CORO2B: variants seen among roughly 807,000 people sequenced by gnomAD.
CORO2B encodes coronin-2B.
In CORO2B, 26 loss-of-function variants were observed where a neutral mutation model predicts 58.8. The observed-to-expected ratio is 0.44, with a 90% CI of 0.32 to 0.61. CORO2B has a LOEUF of 0.61. Ranked by LOEUF, CORO2B falls within the 20% of genes least tolerant of loss-of-function variation. CORO2B has a pLI of 0.04. For synonymous variants in CORO2B, 242 were observed against 253.8 expected (o/e 0.95, Z 0.44); for missense variants, 460 against 645.1 (o/e 0.71, Z 3.11).
chr15:68,528,037 G>A, the CORO2B span, among the ~76,000 whole-genome samples: 1 of 152,146 alleles, frequency 6.6e-6, no homozygotes, highest in Admixed American at 6.5e-5. Context: ...CTTTAAAAAT[G>A]TATGTTCTTT....
intron 1 of CORO2B, among the ~76,000 whole-genome samples, chr15:68,622,027 TC>T (rs1900538320): frequency 6.6e-6 from 1 of 152,168 alleles, no homozygotes; most frequent in African/African-American, 2.4e-5. Context: ...CTAAGTGATC[TC>T]CCGATCCAAA....
intron 1 of CORO2B, among the ~76,000 whole-genome samples, chr15:68,601,809 G>A (rs1421924026): frequency 6.6e-6 from 1 of 152,206 alleles, no homozygotes; most frequent in South Asian, 2.1e-4. Context: ...TAGTCCCTCT[G>A]TGCTGCTGTA....
At chr15:68,678,465 G>A (rs889558272) in intron 2 of CORO2B, among the ~76,000 whole-genome samples, 1 of 152,086 alleles carries the variant, frequency 6.6e-6, no homozygotes, top group Non-Finnish European at 1.5e-5. Flanking sequence ...CCTGAGGTCA[G>A]GAGTTCAAGA....
chr15:68,658,827 G>A (rs1276926434), intron 2 of CORO2B, among the ~76,000 whole-genome samples: 1 of 152,202 alleles, frequency 6.6e-6, no homozygotes, highest in Non-Finnish European at 1.5e-5. Context: ...AACTGCTCCC[G>A]CTGATCAGAA....
chr15:68,624,491 G>A (rs2140254473), intron 1 of CORO2B, among the ~76,000 whole-genome samples: 1 of 152,198 alleles, frequency 6.6e-6, no homozygotes, highest in Admixed American at 6.5e-5. Context: ...TGTTCACAGT[G>A]TTTCCTCCAG....
At chr15:68,598,688 G>A (rs1335267538) in intron 1 of CORO2B, among the ~76,000 whole-genome samples, 1 of 152,170 alleles carries the variant, frequency 6.6e-6, no homozygotes, top group African/African-American at 2.4e-5. Context: ...TAATTCTACC[G>A]CAAACCTAGC....
chr15:68,712,999 C>T (rs543520646), intron 5 of CORO2B, among the ~76,000 whole-genome samples: 2 of 152,116 alleles, frequency 1.3e-5, no homozygotes, highest in Non-Finnish European at 2.9e-5. Context: ...GAGTGTGTGA[C>T]GCCAGCCTGA....
intron 2 of CORO2B, among the ~76,000 whole-genome samples, chr15:68,674,359 G>T (rs1338124310): frequency 1.3e-5 from 2 of 152,252 alleles, no homozygotes; most frequent in East Asian, 3.8e-4. Context: ...GACAGACGAG[G>T]CCATCAGAAT....
At chr15:68,577,693 C>G (rs1347134288), upstream of CORO2B, among the ~76,000 whole-genome samples, 1 of 144,022 alleles carries the variant, frequency 6.9e-6, no homozygotes, top group Non-Finnish European at 1.5e-5. Context: ...TGCACTCCAG[C>G]CTGGGCGACA....
At chr15:68,659,779 CA>C (rs1901953735) in intron 2 of CORO2B, among the ~76,000 whole-genome samples, 1 of 152,102 alleles carries the variant, frequency 6.6e-6, no homozygotes, top group South Asian at 2.1e-4. Flanking sequence ...ACTAAAAATA[CA>C]AAAATTAGCC....
At position 68,715,246 on chromosome 15, in the gene CORO2B, G is replaced by A; in HGVS notation, c.902G>A (p.Ser301Asn). 1 of 1,614,062 alleles carries A rather than the reference G, an allele frequency of 6.2e-7. No homozygotes were observed. Among genetic ancestry groups the A allele is most frequent in the East Asian group, 2.2e-5 (1 of 44,866 alleles). ...GGAAACATCCGGTACTACGAGATCA[G>A]CACTGAGAAGCCCTACCTGAGTTAC... ...GDGNIRYYEISTEKPYLSYLM... is the reference protein window; with the variant it reads ...GDGNIRYYEINTEKPYLSYLM... The change falls in exon 8 of 12, where the codon AGC (serine) becomes AAC (asparagine). Residue 301 changes from serine (S) to asparagine (N), a missense_variant. Transcript: ENST00000261861.
chr15:68,604,658 A>G (rs1263364959), intron 1 of CORO2B, among the ~76,000 whole-genome samples: 1 of 151,850 alleles, frequency 6.6e-6, no homozygotes, highest in Non-Finnish European at 1.5e-5. Flanking sequence ...TTCAGCCCCA[A>G]TTCCTCATCC....
chr15:68,685,769 G>GATTGATTA (rs1902950154), intron 2 of CORO2B, among the ~76,000 whole-genome samples: 1 of 151,942 alleles, frequency 6.6e-6, no homozygotes, highest in African/African-American at 2.4e-5. Context: ...TTGTTTGATT[G>GATTGATTA]ATTAAACACT....
chr15:68,721,945 G>A (rs187698189), intron 11 of CORO2B, among the ~76,000 whole-genome samples: 2 of 152,168 alleles, frequency 1.3e-5, no homozygotes, highest in East Asian at 3.9e-4. Flanking sequence ...TAGAGACAGG[G>A]TCTTACTATA....
the CORO2B span, among the ~76,000 whole-genome samples, chr15:68,552,579 T>C: frequency 2.6e-5 from 4 of 151,954 alleles, no homozygotes; most frequent in Non-Finnish European, 4.4e-5. Flanking sequence ...CCTACGAGTC[T>C]CCAGTCTTTT....
the CORO2B span, among the ~76,000 whole-genome samples, chr15:68,541,807 G>C: frequency 6.6e-6 from 1 of 152,190 alleles, no homozygotes; most frequent in East Asian, 1.9e-4. Context: ...ATCAAACTCT[G>C]CTAAATGCCT....
intron 11 of CORO2B, among the ~76,000 whole-genome samples, chr15:68,725,177 T>A (rs1247544101): frequency 6.6e-6 from 1 of 152,156 alleles, no homozygotes; most frequent in Non-Finnish European, 1.5e-5. Context: ...GAGACCAGCC[T>A]GGCCAACATG....
intron 2 of CORO2B, among the ~76,000 whole-genome samples, chr15:68,678,250 C>A (rs1902652407): frequency 6.6e-6 from 1 of 152,182 alleles, no homozygotes; most frequent in East Asian, 1.9e-4. Flanking sequence ...TCAGGCAGAA[C>A]AGCCTAGCAC....
intron 2 of CORO2B, among the ~76,000 whole-genome samples, chr15:68,686,446 C>T (rs747709982): frequency 6.6e-6 from 1 of 152,158 alleles, no homozygotes; most frequent in Non-Finnish European, 1.5e-5. Flanking sequence ...CAGCCAAGTG[C>T]AGATGATAGC....
Sources: allele counts gnomAD v4.1 joint callset (sites outside exome capture counted in the v4.1 genomes callset), GRCh38; gene constraint gnomAD v4.1.1; transcripts MANE v1.5; gene names NCBI Gene and HGNC (gene_info 2026-07-23, HGNC 2026-07-21).